Variants in ADGRV1 observed in about 807,000 individuals in gnomAD.
ADGRV1 encodes the protein G-protein coupled receptor 98.
In ADGRV1, 359 loss-of-function variants were observed where a neutral mutation model predicts 596.2. The ratio of observed to expected loss-of-function variants is 0.60; its 90% CI spans 0.55 to 0.66. The LOEUF is 0.66. Among genes scored for constraint, ADGRV1 ranks in the 30% least tolerant of loss-of-function variants. The probability of loss-of-function intolerance (pLI) is 0.00; values close to 1 mark genes in which losing one functional copy is unlikely to be tolerated. For synonymous variants in ADGRV1, 2,681 were observed against 2,679.2 expected (o/e 1.00, Z -0.02); for missense variants, 7,274 against 7,575.6 (o/e 0.96, Z 1.48).
chr5:90,702,706 G>A (rs1343632540), intron 34 of ADGRV1, among the ~76,000 whole-genome samples: 1 of 151,878 alleles, frequency 6.6e-6, no homozygotes, highest in African/African-American at 2.4e-5. Context: ...AAGTTACTTG[G>A]ATAGCTAACT....
intron 88 of ADGRV1, among the ~76,000 whole-genome samples, chr5:91,150,736 C>G (rs546947078): frequency 1.3e-5 from 2 of 152,172 alleles, no homozygotes; most frequent in African/African-American, 4.8e-5. Context: ...TTTTAGAAAA[C>G]AAGCTCAGAA....
rs1162879580 is a variant in ADGRV1 at position 90,783,835 on chromosome 5, C to T, written c.13434-3C>T. On this transcript the variant is annotated splice_polypyrimidine_tract_variant and splice_region_variant and intron_variant, in intron 66 of 89. Transcript: ENST00000405460. The stretch of plus-strand genomic sequence containing the variant: ...CACAGAATTGCTCCTTCTTGCCATG[C>T]AGTGAATTTGAGGAGCCCATTGAAA... 6.3e-7 allele frequency: 1 copy of T among 1,596,054 alleles called. No individual in the cohort carries two copies. The highest frequency in any genetic ancestry group is 8.5e-7 in the Non-Finnish European group (1 of 1,170,102).
intron 86 of ADGRV1, among the ~76,000 whole-genome samples, chr5:91,078,126 G>A (rs964838104): frequency 6.6e-6 from 1 of 152,236 alleles, no homozygotes. Context: ...TTACATGGGA[G>A]CATTATTTGA....
At chr5:90,982,399 TA>T in intron 84 of ADGRV1, among the ~76,000 whole-genome samples, 1 of 152,224 alleles carries the variant, frequency 6.6e-6, no homozygotes, top group Non-Finnish European at 1.5e-5. Context: ...TTTTGGTTTT[TA>T]AAAAAAATGG....
chr5:91,132,638 G>T (rs116016151), intron 87 of ADGRV1, among the ~76,000 whole-genome samples: 2 of 152,226 alleles, frequency 1.3e-5, no homozygotes, highest in Non-Finnish European at 2.9e-5. Flanking sequence ...GAAGAATGCC[G>T]TCTAATTGGG....
chr5:90,746,580 T>C (rs1754654950), intron 52 of ADGRV1, among the ~76,000 whole-genome samples: 1 of 152,232 alleles, frequency 6.6e-6, no homozygotes, highest in African/African-American at 2.4e-5. Context: ...CTCTACCATG[T>C]CATTTTGGCT....
At chr5:90,795,599 C>T (rs539711226) in intron 70 of ADGRV1, among the ~76,000 whole-genome samples, 16 of 152,312 alleles carry the variant, frequency 1.1e-4, no homozygotes, top group Admixed American at 2.6e-4. Flanking sequence ...CCCTGCCTGA[C>T]GGCTCTGAAG....
At chr5:90,563,530 A>G (rs571318857) in intron 1 of ADGRV1, among the ~76,000 whole-genome samples, 2 of 152,372 alleles carry the variant, frequency 1.3e-5, no homozygotes, top group East Asian at 1.9e-4. Flanking sequence ...TGAAAGACAT[A>G]CAATAGCTTC....
chr5:90,992,970 A>G (rs1039644462), intron 85 of ADGRV1, among the ~76,000 whole-genome samples: 3 of 152,144 alleles, frequency 2.0e-5, no homozygotes, highest in African/African-American at 4.8e-5. Flanking sequence ...TAGCACAATG[A>G]TCATAACTAG....
At chr5:90,626,794 C>CT (rs1182739710) in intron 6 of ADGRV1, among the ~76,000 whole-genome samples, 1 of 152,170 alleles carries the variant, frequency 6.6e-6, no homozygotes, top group African/African-American at 2.4e-5. Flanking sequence ...ACAAGGAAAA[C>CT]TAACAATTTT....
chr5:90,569,415 T>TTTC lies in ADGRV1; in HGVS notation c.22+10498_22+10499insTTC, dbSNP rs1295993815. Among the ~76,000 whole-genome samples, 30 of 105,632 alleles carry TTTC rather than the reference T, an allele frequency of 2.8e-4. 3 individuals carry two copies. Among genetic ancestry groups the TTTC allele is most frequent in the African/African-American group, 1.4e-3 (30 of 21,690 alleles). 69.3% of individuals were successfully genotyped at this position (105,632 alleles called of 152,430 possible). Reference sequence around the variant, plus strand: ...TTTTTTTTTTTTTTTTTTTTTTTTTTCTCATTCTTAGTTTCAACCTGTTTG... The same window carrying TTTC: ...TTTTTTTTTTTTTTTTTTTTTTTTTTTTCCTCATTCTTAGTTTCAACCTGTTTG... On this transcript the variant is annotated intron_variant, in intron 1 of 89. Transcript: ENST00000405460.
chr5:90,681,393 C>T lies in ADGRV1; in HGVS notation c.5603C>T (p.Pro1868Leu). The change falls in exon 27 of 90, where the codon CCT becomes CTT. Residue 1868 changes from proline to leucine, a missense_variant. Coordinates refer to ENST00000405460, the MANE Select transcript of ADGRV1 (RefSeq NM_032119.4). ...DHAHGVFEFS[P>L]ESLFVSGTEP... is the part of the protein sequence containing the mutation. ...GCTCATGGCGTATTTGAATTTAGCC[C>T]TGAGTCACTCTTTGTCAGTGGAACT... is the stretch of plus-strand genomic sequence containing the variant. The T allele has an allele frequency of 6.2e-7, 1 of 1,613,836 alleles. No individual in the cohort carries two copies. The highest frequency in any genetic ancestry group is 8.5e-7 in the Non-Finnish European group (1 of 1,179,794).
At chr5:90,595,667 C>G (rs1462116871) in intron 1 of ADGRV1, among the ~76,000 whole-genome samples, 6 of 129,782 alleles carry the variant, frequency 4.6e-5, no homozygotes, top group African/African-American at 1.6e-4. Flanking sequence ...GGGAACTGAC[C>G]CCCCCACCTC....
At chr5:90,651,953 C>T (rs1453734878) in intron 18 of ADGRV1, among the ~76,000 whole-genome samples, 1 of 151,158 alleles carries the variant, frequency 6.6e-6, no homozygotes, top group African/African-American at 2.4e-5. Flanking sequence ...CCCCACCCCC[C>T]TCGTTCAAAC....
chr5:90,777,222 A>G (rs1457197482), intron 61 of ADGRV1, among the ~76,000 whole-genome samples: 2 of 152,040 alleles, frequency 1.3e-5, no homozygotes, highest in East Asian at 3.9e-4. Context: ...GTACTTTTCA[A>G]CAACCAGATC....
intron 85 of ADGRV1, among the ~76,000 whole-genome samples, chr5:91,019,504 CTCT>C (rs1783450923): frequency 6.6e-6 from 1 of 151,962 alleles, no homozygotes; most frequent in Non-Finnish European, 1.5e-5. Flanking sequence ...ATTAAGACAG[CTCT>C]TCTTGCCCTT....
At chr5:91,040,155 T>C (rs1318202457) in intron 85 of ADGRV1, among the ~76,000 whole-genome samples, 5 of 152,142 alleles carry the variant, frequency 3.3e-5, no homozygotes, top group Non-Finnish European at 7.4e-5. Flanking sequence ...ATGGTTTCAA[T>C]TCAGAAAAAA....
intron 29 of ADGRV1, 34 bp from the exon 30 acceptor site, chr5:90,689,827 A>T: frequency 7.0e-7 from 1 of 1,435,752 alleles, no homozygotes; most frequent in Non-Finnish European, 9.7e-7. Flanking sequence ...ATCATATTTT[A>T]GAAGTCTTAA....
At chr5:91,034,529 C>T (rs190809948) in intron 85 of ADGRV1, among the ~76,000 whole-genome samples, 299 of 152,236 alleles carry the variant, frequency 2.0e-3, no homozygotes, top group Non-Finnish European at 3.7e-3. Flanking sequence ...GTTTTGAGAG[C>T]TTGGCCTAAT....
Sources: allele counts gnomAD v4.1 joint callset (sites outside exome capture counted in the v4.1 genomes callset), GRCh38; gene constraint gnomAD v4.1.1; transcripts MANE v1.5; gene names NCBI Gene and HGNC (gene_info 2026-07-23, HGNC 2026-07-21).